The following TSC22D1 variants were observed in gnomAD, a reference collection of about 807,000 sequenced individuals.
TSC22D1 encodes the protein TSC22 domain family member 1, also known as TSC22 domain family protein 1.
TSC22D1 carries 9 observed loss-of-function variants against 74.2 expected under a neutral mutation model. The observed-to-expected ratio is 0.12, with a 90% CI of 0.07 to 0.21. TSC22D1 has a LOEUF of 0.21. TSC22D1 is among the 10% of genes least tolerant of loss of function. TSC22D1 has a pLI of 1.00. For synonymous variants in TSC22D1, 586 were observed against 492.5 expected (o/e 1.19, Z -2.51); for missense variants, 1,427 against 1,304.7 (o/e 1.09, Z -1.44).
Position 44,574,828 on chromosome 13 carries a change from G to C in TSC22D1, c.1247C>G (p.Ser416Cys), listed in dbSNP as rs1884087381. The C allele has an allele frequency of 6.2e-7, 1 of 1,614,142 alleles. No homozygotes were observed. Among genetic ancestry groups the C allele is most frequent in the Non-Finnish European group, 8.5e-7 (1 of 1,180,036 alleles). Residue 416 changes from serine to cysteine, a missense_variant, in exon 1 of 3, where the codon TCT becomes TGT. By Grantham distance (112) the Ser-to-Cys change is moderately radical. Around this residue, in one of 3 missense-constraint regions of TSC22D1, gnomAD observed 1,343 missense variants for 1,191.5 expected, o/e 1.13. Transcript: ENST00000458659. ...CCATCTACCTTTTTTAAAGGGCTCA[G>C]AACTAGAATCTAACTTCACAACTCT... Reference protein sequence around the residue: ...RFRVVKLDSSSEPFKKGRWTC... With the variant: ...RFRVVKLDSSCEPFKKGRWTC...
At chr13:44,567,412 A>G (rs563954125) in intron 1 of TSC22D1, among the ~76,000 whole-genome samples, 1 of 152,304 alleles carries the variant, frequency 6.6e-6, no homozygotes, top group East Asian at 1.9e-4. Flanking sequence ...ATGACTACCA[A>G]CTATCTGAGG....
At chr13:44,569,449 CCATTT>C (rs1358546311) in intron 1 of TSC22D1, among the ~76,000 whole-genome samples, 8 of 152,042 alleles carry the variant, frequency 5.3e-5, no homozygotes, top group African/African-American at 1.9e-4. Context: ...GGAAGCTCTT[CCATTT>C]ATTTCTTGGA....
intron 1 of TSC22D1, among the ~76,000 whole-genome samples, chr13:44,440,328 C>T (rs1438098836): frequency 6.6e-6 from 1 of 152,052 alleles, no homozygotes; most frequent in Non-Finnish European, 1.5e-5. Flanking sequence ...CCTGTAATCC[C>T]AGCACTTTGA....
At position 44,432,818 on chromosome 13, in the gene TSC22D1, T is replaced by C. The variant is rs1002065169; in HGVS notation, c.*1808A>G. On this transcript the variant is annotated 3_prime_UTR_variant, in exon 3 of 3. Coordinates refer to ENST00000458659, the MANE Select transcript of TSC22D1 (RefSeq NM_183422.4). ...TTACAGAGCCGGTAAACCCACCCCA[T>C]TCACTTGCTCGCTCACGTTACTCCT... 1 of 152,188 alleles carries C rather than the reference T, an allele frequency of 6.6e-6. No individual in the cohort carries two copies. The highest frequency in any genetic ancestry group is 2.4e-5 in the African/African-American group (1 of 41,422). The allele number at this position is 152,188 out of a possible 1,614,324, so 9.4% of individuals were successfully genotyped here. A position where few individuals can be genotyped will look rare whatever the true frequency, so the allele number is the denominator to read the frequency against.
intron 1 of TSC22D1, among the ~76,000 whole-genome samples, chr13:44,443,729 G>C (rs1009154632): frequency 6.6e-6 from 1 of 152,148 alleles, no homozygotes; most frequent in Non-Finnish European, 1.5e-5. Flanking sequence ...CAATGTACTG[G>C]AATGTACTAC....
intron 1 of TSC22D1, among the ~76,000 whole-genome samples, chr13:44,532,832 G>A (rs990255093): frequency 3.3e-5 from 5 of 152,060 alleles, no homozygotes; most frequent in African/African-American, 9.7e-5. Flanking sequence ...GTAAGAATAT[G>A]GGGATACTTA....
chr13:44,572,834 A>C (rs140759031), intron 1 of TSC22D1, among the ~76,000 whole-genome samples: 63 of 152,376 alleles, frequency 4.1e-4, no homozygotes, highest in African/African-American at 1.5e-3. Flanking sequence ...ATTAACTATT[A>C]TGTGGGTTAG....
chr13:44,493,890 C>T (rs1037071057), intron 1 of TSC22D1, among the ~76,000 whole-genome samples: 13 of 152,150 alleles, frequency 8.5e-5, no homozygotes, highest in Non-Finnish European at 1.3e-4. Context: ...AACAAACAGA[C>T]ACTTCAGACA....
chr13:44,467,812 C>T (rs1877376155), intron 1 of TSC22D1, among the ~76,000 whole-genome samples: 2 of 152,098 alleles, frequency 1.3e-5, no homozygotes, highest in African/African-American at 4.8e-5. Flanking sequence ...ATTGGTACAA[C>T]CTCTGTAGAA....
intron 1 of TSC22D1, among the ~76,000 whole-genome samples, chr13:44,542,369 T>C (rs376046509): frequency 5.3e-5 from 8 of 152,054 alleles, no homozygotes; most frequent in Admixed American, 1.3e-4. Context: ...TTAATATTGG[T>C]CTAAATTTAG....
intron 1 of TSC22D1, among the ~76,000 whole-genome samples, chr13:44,561,052 CCCCCGGGG>C (rs1883005283): frequency 6.6e-6 from 1 of 151,924 alleles, no homozygotes; most frequent in Admixed American, 6.6e-5. Context: ...GCAAAAATAC[CCCCCGGGG>C]CGTCGGGGGA....
chr13:44,531,533 T>C (rs1351351706), intron 1 of TSC22D1, among the ~76,000 whole-genome samples: 1 of 150,310 alleles, frequency 6.7e-6, no homozygotes, highest in Non-Finnish European at 1.5e-5. Flanking sequence ...TAGGTAAATA[T>C]ACCTGAAGCA....
rs1880411195 is a variant in TSC22D1 at position 44,523,525 on chromosome 13, CT to C, written c.2912+49637del. ...CTAAGTGAAAGCCAGTCTGAAAAAG[CT>C]ACACACTGCATGACTCCAACACTAT... On this transcript the variant is annotated intron_variant, in intron 1 of 2. Coordinates refer to ENST00000458659, the MANE Select transcript of TSC22D1 (RefSeq NM_183422.4). 2.0e-5 allele frequency among the ~76,000 whole-genome samples: 3 copies of C among 152,196 alleles called. No individual in the cohort carries two copies. The South Asian group carries it at 6.2e-4, about 32-fold the overall frequency.
At chr13:44,486,352 G>A (rs1878426394) in intron 1 of TSC22D1, among the ~76,000 whole-genome samples, 1 of 152,120 alleles carries the variant, frequency 6.6e-6, no homozygotes, top group Non-Finnish European at 1.5e-5. Context: ...GAATAACCTT[G>A]TTAAATAAGA....
At position 44,576,155 on chromosome 13, in the gene TSC22D1, G is replaced by A. The variant is rs976337888; in HGVS notation, c.-81C>T. 7.9e-6 allele frequency: 11 copies of A among 1,386,798 alleles called. No individual in the cohort carries two copies. The African/African-American group carries it at 1.5e-4, about 19-fold the overall frequency. 85.9% of individuals were successfully genotyped at this position (1,386,798 alleles called of 1,614,324 possible). On this transcript the variant is annotated 5_prime_UTR_variant, in exon 1 of 3. Coordinates refer to ENST00000458659, the MANE Select transcript of TSC22D1 (RefSeq NM_183422.4). ...ATCTTTGTATTGGAGACGCCGGAGAGGAAAACGGGACCTGACGCTCCGCCT... is the reference window on the plus strand; with the variant it reads ...ATCTTTGTATTGGAGACGCCGGAGAAGAAAACGGGACCTGACGCTCCGCCT...
intron 1 of TSC22D1, among the ~76,000 whole-genome samples, chr13:44,450,353 A>C (rs1693616038): frequency 6.6e-6 from 1 of 152,228 alleles, no homozygotes; most frequent in South Asian, 2.1e-4. Context: ...CTCACAGGCC[A>C]TGTGATGGGA....
At chr13:44,459,030 T>A (rs9533861) in intron 1 of TSC22D1, among the ~76,000 whole-genome samples, 11,565 of 152,140 alleles carry the variant, frequency 0.076, 564 homozygotes, top group Non-Finnish European at 0.1. Flanking sequence ...GTAGATGGCC[T>A]AAAGCCTGGG....
At chr13:44,438,952 G>A (rs143104398) in intron 1 of TSC22D1, among the ~76,000 whole-genome samples, 1 of 152,114 alleles carries the variant, frequency 6.6e-6, no homozygotes, top group East Asian at 1.9e-4. Flanking sequence ...TATAAAAAGA[G>A]CTTTAAAAAA....
At chr13:44,485,075 T>C (rs1878364365) in intron 1 of TSC22D1, among the ~76,000 whole-genome samples, 1 of 152,172 alleles carries the variant, frequency 6.6e-6, no homozygotes, top group Non-Finnish European at 1.5e-5. Context: ...TTGGAGTCCA[T>C]CCTCTTTCTT....
Sources: allele counts gnomAD v4.1 joint callset (sites outside exome capture counted in the v4.1 genomes callset), GRCh38; gene constraint gnomAD v4.1.1; regional missense constraint gnomAD v4.1.1; transcripts MANE v1.5; gene names NCBI Gene and HGNC (gene_info 2026-07-23, HGNC 2026-07-21).